PTPN9: variants seen among roughly 807,000 people sequenced by gnomAD.
The protein encoded by PTPN9 is tyrosine-protein phosphatase non-receptor type 9.
In PTPN9, 26 loss-of-function variants were observed where a neutral mutation model predicts 69.8. The ratio of observed to expected loss-of-function variants is 0.37; its 90% CI spans 0.27 to 0.52. The LOEUF is 0.52. Among genes scored for constraint, PTPN9 ranks in the 20% least tolerant of loss-of-function variants. PTPN9 has a pLI of 0.91. For synonymous variants in PTPN9, 274 were observed against 272.5 expected, an observed-to-expected ratio of 1.01 and a Z score of -0.05; for missense variants, 549 against 740.3, an observed-to-expected ratio of 0.74 and a Z score of 3.00.
intron 7 of PTPN9, among the ~76,000 whole-genome samples, chr15:75,502,507 C>A (rs1050775119): frequency 6.6e-6 from 1 of 151,884 alleles, no homozygotes; most frequent in African/African-American, 2.4e-5. Flanking sequence ...TGCGCCACCA[C>A]ACCCAGCTAA....
chr15:75,477,833 CTTTTTTTTTTTTT>C (rs1196645006), intron 9 of PTPN9, among the ~76,000 whole-genome samples: 1 of 91,798 alleles, frequency 1.1e-5, no homozygotes, highest in South Asian at 4.6e-4. Flanking sequence ...ATCAGATACT[CTTTTTTTTTTTTT>C]TTTTTTTTTT....
chr15:75,528,221 C>T (rs1373871891), intron 1 of PTPN9, among the ~76,000 whole-genome samples: 4 of 152,134 alleles, frequency 2.6e-5, no homozygotes, highest in Non-Finnish European at 5.9e-5. Flanking sequence ...TACTGTCTGA[C>T]CCAGGCTGGC....
rs200197914 is a variant in PTPN9 at position 75,521,685 on chromosome 15, TG to T, written c.422+1435del. ...ACAATCATGCTACTGCACTCCAGCC[TG>T]GGTGACAAACCAAGCCCTAGTCTCA... is the stretch of plus-strand genomic sequence containing the variant. On this transcript the variant is annotated intron_variant, in intron 4 of 12. Coordinates refer to ENST00000618819, the MANE Select transcript of PTPN9 (RefSeq NM_002833.4). Among the ~76,000 whole-genome samples, 17 of 152,162 alleles carry T rather than the reference TG, an allele frequency of 1.1e-4. No homozygotes were observed. The East Asian group carries it at 3.3e-3, about 30-fold the overall frequency.
At chr15:75,497,843 T>G (rs923655963) in intron 7 of PTPN9, among the ~76,000 whole-genome samples, 19 of 150,966 alleles carry the variant, frequency 1.3e-4, no homozygotes, top group Admixed American at 1.1e-3. Flanking sequence ...TAACAAAATA[T>G]TAACAAGAGT....
Position 75,464,293 on chromosome 15 carries a change from G to GAA in PTPN9, c.*4474_*4475dup, listed in dbSNP as rs1305915905. 4.4e-5 allele frequency: 6 copies of GAA among 137,844 alleles called. No homozygotes were observed. Among genetic ancestry groups the GAA allele is most frequent in the East Asian group, 2.1e-4 (1 of 4,794 alleles). The allele number at this position is 137,844 out of a possible 1,614,324, so 8.5% of individuals were successfully genotyped here. ...GATCCTGTCTCTAGAGAGAGAGAGA[G>GAA]AAAAAAAAAAAAAGCTGGGTTCCTG... On this transcript the variant is annotated 3_prime_UTR_variant, in exon 13 of 13. Coordinates refer to ENST00000618819, the MANE Select transcript of PTPN9 (RefSeq NM_002833.4).
chr15:75,490,713 C>T (rs2074704667), intron 7 of PTPN9, among the ~76,000 whole-genome samples: 1 of 152,118 alleles, frequency 6.6e-6, no homozygotes, highest in Non-Finnish European at 1.5e-5. Context: ...CAAGCTCTAC[C>T]TCCTGGGTTC....
At chr15:75,571,764 C>T (rs1012946241) in intron 1 of PTPN9, among the ~76,000 whole-genome samples, 1 of 151,944 alleles carries the variant, frequency 6.6e-6, no homozygotes, top group African/African-American at 2.4e-5. Flanking sequence ...CATGGTGGTG[C>T]ATGCCAGCAG....
rs1268773600 is a variant in PTPN9 at position 75,523,264 on chromosome 15, G to A, written c.298-19C>T. 3 of 1,608,026 alleles carry A rather than the reference G, an allele frequency of 1.9e-6. No homozygotes were observed. Among genetic ancestry groups the A allele is most frequent in the Non-Finnish European group, 1.7e-6 (2 of 1,177,772 alleles). On this transcript the variant is annotated intron_variant, in intron 3 of 12. Coordinates refer to ENST00000618819, the MANE Select transcript of PTPN9 (RefSeq NM_002833.4). The stretch of plus-strand genomic sequence containing the variant: ...GAACATTCTAAAGCAAATAAAACAA[G>A]AAACATTAAAAAAATCAAATAGAAA...
At chr15:75,496,495 TAAC>T (rs2074742659) in intron 7 of PTPN9, among the ~76,000 whole-genome samples, 1 of 105,874 alleles carries the variant, frequency 9.4e-6, no homozygotes, top group Admixed American at 1.0e-4. Flanking sequence ...AAAGTATTAT[TAAC>T]TTTTTTTTTT....
chr15:75,497,869 G>A (rs2074751778), intron 7 of PTPN9, among the ~76,000 whole-genome samples: 1 of 151,436 alleles, frequency 6.6e-6, no homozygotes, highest in Non-Finnish European at 1.5e-5. Context: ...TTGATTCTGT[G>A]GTAGGAACAT....
In PTPN9 at chr15:75,473,157, T is replaced by C. The variant is rs550263506; in HGVS notation, c.1208+532A>G. On this transcript the variant is annotated intron_variant, in intron 10 of 12. Coordinates refer to ENST00000618819, the MANE Select transcript of PTPN9 (RefSeq NM_002833.4). Reference sequence around the variant, plus strand: ...TTGCCAGAGCCAGGGATTAAAGCTTTAACAAGTTAGATCTATTCATCTCCA... The same window carrying C: ...TTGCCAGAGCCAGGGATTAAAGCTTCAACAAGTTAGATCTATTCATCTCCA... Among the ~76,000 whole-genome samples, 16 of 152,318 alleles carry C rather than the reference T, an allele frequency of 1.1e-4. No homozygotes were observed. In the South Asian group the frequency reaches 2.5e-3, roughly 24 times the overall value.
intron 2 of PTPN9, among the ~76,000 whole-genome samples, chr15:75,525,382 C>T (rs1268738518): frequency 2.0e-5 from 3 of 151,060 alleles, no homozygotes; most frequent in African/African-American, 7.3e-5. Context: ...TTAGTAGAGA[C>T]GGGGTTTTGC....
intron 1 of PTPN9, among the ~76,000 whole-genome samples, chr15:75,546,040 A>G (rs2075031233): frequency 6.6e-6 from 1 of 152,222 alleles, no homozygotes; most frequent in Non-Finnish European, 1.5e-5. Context: ...AACTGTGAAC[A>G]CAATACACCA....
Position 75,468,196 on chromosome 15 carries a change from A to C in PTPN9, c.*573T>G, listed in dbSNP as rs1245806543. 5.2e-5 allele frequency: 8 copies of C among 153,304 alleles called. No individual in the cohort carries two copies. Among genetic ancestry groups the C allele is most frequent in the Non-Finnish European group, 7.3e-5 (5 of 68,506 alleles). 9.5% of individuals were successfully genotyped at this position (153,304 alleles called of 1,614,324 possible). ...AGAATACGATCATATTATCACATAC[A>C]ATATATATTATATACACACGTACAT... On this transcript the variant is annotated 3_prime_UTR_variant, in exon 13 of 13. Transcript: ENST00000618819.
Position 75,473,688 on chromosome 15 carries a change from C to A in PTPN9, c.1208+1G>T. The stretch of plus-strand genomic sequence containing the variant: ...CCTTTGGAAAAAAGGGATTAACTCA[C>A]CGGGTGGTCATGACAATCACCAAGA... On this transcript the variant is annotated splice_donor_variant, in intron 10 of 12. Coordinates refer to ENST00000618819, the MANE Select transcript of PTPN9 (RefSeq NM_002833.4). LOFTEE classifies it high-confidence loss of function. The A allele has an allele frequency of 6.4e-7, 1 of 1,553,110 alleles. No individual in the cohort carries two copies. Among genetic ancestry groups the A allele is most frequent in the Non-Finnish European group, 8.9e-7 (1 of 1,124,540 alleles).
intron 1 of PTPN9, among the ~76,000 whole-genome samples, chr15:75,564,278 C>T (rs1020740843): frequency 5.7e-4 from 86 of 151,900 alleles, no homozygotes; most frequent in Non-Finnish European, 1.8e-4. Context: ...AAAAGAGAAA[C>T]ACTTGAAGGG....
chr15:75,570,960 G>A (rs1303347514), intron 1 of PTPN9, among the ~76,000 whole-genome samples: 1 of 151,790 alleles, frequency 6.6e-6, no homozygotes, highest in Non-Finnish European at 1.5e-5. Flanking sequence ...AAAATTTTTC[G>A]CTATTCAAAA....
At chr15:75,574,583 T>C (rs2075162970) in intron 1 of PTPN9, among the ~76,000 whole-genome samples, 1 of 152,178 alleles carries the variant, frequency 6.6e-6, no homozygotes, top group Non-Finnish European at 1.5e-5. Context: ...CCAAGACTTC[T>C]GGGTTTCTGA....
chr15:75,541,679 T>A (rs575698738), intron 1 of PTPN9, among the ~76,000 whole-genome samples: 4 of 152,162 alleles, frequency 2.6e-5, no homozygotes, highest in African/African-American at 9.6e-5. Flanking sequence ...GTGCTGGGAT[T>A]ACAGGCGTGA....
Sources: allele counts gnomAD v4.1 joint callset (sites outside exome capture counted in the v4.1 genomes callset), GRCh38; gene constraint gnomAD v4.1.1; transcripts MANE v1.5; gene names NCBI Gene and HGNC (gene_info 2026-07-23, HGNC 2026-07-21).